XKR9: variants seen among roughly 807,000 people sequenced by gnomAD.
XKR9 encodes XK-related protein 9.
A neutral mutation model predicts 32.0 loss-of-function variants in XKR9; 32 were observed. The observed-to-expected ratio is 1.00, with a 90% CI of 0.76 to 1.34. The LOEUF (loss-of-function observed/expected upper bound fraction) is 1.34, where lower values mean the gene tolerates loss of function less well. Ranked by LOEUF, XKR9 falls within the 40% of genes most tolerant of loss-of-function variation. The pLI, the probability that XKR9 is intolerant of heterozygous loss-of-function variation, is 0.00. For synonymous variants in XKR9, 168 were observed against 143.4 expected (o/e 1.17, Z -1.22); for missense variants, 546 against 429.7 (o/e 1.27, Z -2.39).
Position 70,734,379 on chromosome 8 carries a change from A to G in XKR9, c.1077A>G (p.Lys359=). 2 of 1,608,726 alleles carry G rather than the reference A, an allele frequency of 1.2e-6. No individual in the cohort carries two copies. Among genetic ancestry groups the G allele is most frequent in the Non-Finnish European group, 1.7e-6 (2 of 1,179,178 alleles). The stretch of plus-strand genomic sequence containing the variant: ...CAAAATGTGATGAAATTGATGGAAA[A>G]CCAGTTCTAAGAGAATGTAGAATGA... The part of the protein sequence containing the change: ...AETKCDEIDG[K]PVLRECRMRY... Residue 359 remains lysine (K), a synonymous_variant, in exon 5 of 5, where the codon AAA becomes AAG. Transcript: ENST00000408926.
At chr8:70,883,335 C>T in the XKR9 span, among the ~76,000 whole-genome samples, 1 of 152,054 alleles carries the variant, frequency 6.6e-6, no homozygotes, top group Non-Finnish European at 1.5e-5. Flanking sequence ...GAGTAGTATT[C>T]CTTGGTGTAT....
chr8:70,806,660 G>A, the XKR9 span, among the ~76,000 whole-genome samples: 1 of 151,988 alleles, frequency 6.6e-6, no homozygotes, highest in Admixed American at 6.6e-5. Flanking sequence ...GCAGAAGAAA[G>A]GATATCAGAG....
chr8:70,739,130 T>C (rs553820152), downstream of XKR9, among the ~76,000 whole-genome samples: 127 of 152,180 alleles, frequency 8.3e-4, no homozygotes, highest in Non-Finnish European at 1.4e-3. Flanking sequence ...ACTCAGGACT[T>C]GCTTTATGAA....
At chr8:70,852,644 A>G in the XKR9 span, among the ~76,000 whole-genome samples, 1 of 152,254 alleles carries the variant, frequency 6.6e-6, no homozygotes, top group African/African-American at 2.4e-5. Context: ...TGTGGCATAT[A>G]TACACCATGG....
the XKR9 span, among the ~76,000 whole-genome samples, chr8:71,001,122 C>G: frequency 1.3e-5 from 2 of 152,122 alleles, no homozygotes; most frequent in African/African-American, 4.8e-5. Context: ...CAAGCACAAC[C>G]ATAAAGAAGG....
chr8:70,694,065 G>T (rs534256719), intron 3 of XKR9, among the ~76,000 whole-genome samples: 1 of 151,880 alleles, frequency 6.6e-6, no homozygotes, highest in Non-Finnish European at 1.5e-5. Flanking sequence ...TTTCTGTAGG[G>T]CTGCTGTGGT....
the XKR9 span, among the ~76,000 whole-genome samples, chr8:70,931,917 A>G: frequency 6.6e-6 from 1 of 152,160 alleles, no homozygotes; most frequent in African/African-American, 2.4e-5. Flanking sequence ...CATCTCCAAC[A>G]CTGAGGATCA....
At chr8:70,715,672 TCATTTCAGAGAAG>T (rs1446085477) in intron 4 of XKR9, among the ~76,000 whole-genome samples, 2 of 152,126 alleles carry the variant, frequency 1.3e-5, no homozygotes, top group African/African-American at 4.8e-5. Context: ...CATCATTATA[TCATTTCAGAGAAG>T]CAAAGAAAGA....
At position 70,707,207 on chromosome 8, in the gene XKR9, A is replaced by C. The variant is rs1805753891; in HGVS notation, c.493+54A>C. 5 of 1,395,676 alleles carry C rather than the reference A, an allele frequency of 3.6e-6. 1 individual carries two copies. In the South Asian group the frequency reaches 3.8e-5, roughly 11 times the overall value. 86.5% of individuals were successfully genotyped at this position (1,395,676 alleles called of 1,614,324 possible). ...ATGGATGCCACTGAGACCTTACGTC[A>C]ACTATATAAATCTTTGGCTGACTTT... On this transcript the variant is annotated intron_variant, in intron 4 of 4. Transcript: ENST00000408926.
At chr8:70,953,235 T>A in the XKR9 span, among the ~76,000 whole-genome samples, 1 of 152,248 alleles carries the variant, frequency 6.6e-6, no homozygotes, top group East Asian at 1.9e-4. Context: ...CACTCAGTGC[T>A]AGGCTTTGTG....
In XKR9 at chr8:70,742,187, T is replaced by A. The variant is rs994077973; in HGVS notation, n.352+35034T>A. On this transcript the variant is annotated intron_variant and non_coding_transcript_variant, in intron 2 of 3. Transcript: ENST00000520273. ...GTAACTGAATAACAACAAAAAAGCC[T>A]AAATAACCAGATTAAAACTGGGCAA... Among the ~76,000 whole-genome samples, 5 of 152,184 alleles carry A rather than the reference T, an allele frequency of 3.3e-5. No homozygotes were observed. In the East Asian group the frequency reaches 9.6e-4, roughly 29 times the overall value.
the XKR9 span, among the ~76,000 whole-genome samples, chr8:70,886,680 T>A: frequency 6.6e-6 from 1 of 152,140 alleles, no homozygotes; most frequent in Non-Finnish European, 1.5e-5. Flanking sequence ...ATTGGCCACA[T>A]AAATGTCTTC....
chr8:70,779,412 CT>C (rs1227559508), intron 2 of XKR9, among the ~76,000 whole-genome samples: 1 of 152,034 alleles, frequency 6.6e-6, no homozygotes, highest in Non-Finnish European at 1.5e-5. Flanking sequence ...CTAACATTCT[CT>C]TTTTTTGTTG....
Position 70,735,808 on chromosome 8 carries a change from G to A in XKR9, c.*1384G>A, listed in dbSNP as rs1025478521. On this transcript the variant is annotated 3_prime_UTR_variant, in exon 5 of 5. Coordinates refer to ENST00000408926, the MANE Select transcript of XKR9 (RefSeq NM_001011720.2). Reference sequence around the variant, plus strand: ...GGACATGAACTCATCATTTTTTATGGCTGCATAGTATTCCATGGTGTATAT... The same window carrying A: ...GGACATGAACTCATCATTTTTTATGACTGCATAGTATTCCATGGTGTATAT... 3 of 151,710 alleles carry A rather than the reference G, an allele frequency of 2.0e-5. No homozygotes were observed. Among genetic ancestry groups the A allele is most frequent in the African/African-American group, 7.3e-5 (3 of 41,256 alleles). The allele number at this position is 151,710 out of a possible 1,614,324, so 9.4% of individuals were successfully genotyped here.
chr8:70,955,366 C>T, the XKR9 span, among the ~76,000 whole-genome samples: 9 of 152,028 alleles, frequency 5.9e-5, no homozygotes, highest in South Asian at 2.1e-4. Context: ...TATATACTGA[C>T]GATACCTTAT....
At chr8:70,689,292 A>G (rs1014379539) in intron 3 of XKR9, among the ~76,000 whole-genome samples, 1 of 151,860 alleles carries the variant, frequency 6.6e-6, no homozygotes, top group African/African-American at 2.4e-5. Context: ...TTAAAACTAC[A>G]TTGAGATATT....
At chr8:70,820,355 G>A in the XKR9 span, among the ~76,000 whole-genome samples, 4 of 152,172 alleles carry the variant, frequency 2.6e-5, no homozygotes, top group Admixed American at 6.5e-5. Flanking sequence ...AAGAAAAGGG[G>A]TTTATTTGGA....
At chr8:70,939,895 A>G in the XKR9 span, among the ~76,000 whole-genome samples, 1 of 152,154 alleles carries the variant, frequency 6.6e-6, no homozygotes, top group Non-Finnish European at 1.5e-5. Context: ...TTTCATGTGT[A>G]TATATTAATT....
chr8:70,770,336 C>T (rs988229334), intron 2 of XKR9, among the ~76,000 whole-genome samples: 5 of 152,282 alleles, frequency 3.3e-5, no homozygotes, highest in South Asian at 2.1e-4. Flanking sequence ...GAGGAGCACC[C>T]GCCAGATGCC....
Sources: gnomAD v4.1 joint callset for allele counts (sites outside exome capture counted in the v4.1 genomes callset) on GRCh38, gnomAD v4.1.1 for gene constraint, MANE v1.5 for transcripts, NCBI Gene and HGNC (gene_info 2026-07-23, HGNC 2026-07-21) for gene names.